CFAP58: variants seen among roughly 807,000 people sequenced by gnomAD.
CFAP58 encodes cilia- and flagella-associated protein 58.
In CFAP58, 88 loss-of-function variants were observed where a neutral mutation model predicts 119.5. The ratio of observed to expected loss-of-function variants is 0.74; its 90% CI spans 0.62 to 0.88. The LOEUF is 0.88. Ranked by LOEUF, CFAP58 falls within the 40% of genes least tolerant of loss-of-function variation. CFAP58 has a pLI of 0.00. For missense variants in CFAP58, 990 were observed against 1,021.2 expected (o/e 0.97, Z 0.42); for synonymous variants, 365 against 366.3 (o/e 1.00, Z 0.04).
the CFAP58 span, among the ~76,000 whole-genome samples, chr10:104,341,006 C>T: frequency 6.6e-6 from 1 of 152,186 alleles, no homozygotes; most frequent in Non-Finnish European, 1.5e-5. Context: ...AACCCCTAGC[C>T]TGCCTATACT....
intron 15 of CFAP58, among the ~76,000 whole-genome samples, chr10:104,440,685 C>T (rs1025899143): frequency 6.6e-6 from 1 of 152,158 alleles, no homozygotes; most frequent in Non-Finnish European, 1.5e-5. Context: ...GAAATTTAAT[C>T]GTCATAGAGA....
At chr10:104,358,027 A>G (rs1040107412) in intron 1 of CFAP58, among the ~76,000 whole-genome samples, 2 of 147,500 alleles carry the variant, frequency 1.4e-5, no homozygotes, top group African/African-American at 2.6e-5. Flanking sequence ...GTACATATAT[A>G]TACATATGTA....
chr10:104,396,620 G>A (rs1284817364), intron 11 of CFAP58, among the ~76,000 whole-genome samples: 2 of 152,150 alleles, frequency 1.3e-5, no homozygotes, highest in Non-Finnish European at 2.9e-5. Flanking sequence ...TATGATTTAT[G>A]CCCATAGCCA....
intron 15 of CFAP58, 34 bp downstream of exon 15, chr10:104,406,827 G>A (rs961466779): frequency 2.7e-6 from 4 of 1,501,228 alleles, no homozygotes; most frequent in Non-Finnish European, 3.7e-6. Flanking sequence ...CATTGTACAA[G>A]TCCTTAGCAC....
At chr10:104,427,281 C>A (rs1321183681) in intron 15 of CFAP58, among the ~76,000 whole-genome samples, 1 of 152,134 alleles carries the variant, frequency 6.6e-6, no homozygotes, top group Non-Finnish European at 1.5e-5. Flanking sequence ...AATTAGAATT[C>A]TCAGTTTATA....
intron 16 of CFAP58, 122 bp from the exon 17 acceptor site, chr10:104,449,949 T>C: frequency 1.1e-6 from 1 of 926,014 alleles, no homozygotes; most frequent in Non-Finnish European, 1.6e-6. Flanking sequence ...TGCAGATTAA[T>C]TGTGAAACTT....
chr10:104,400,589 C>T, intron 12 of CFAP58, 91 bp from the exon 13 acceptor site: 1 of 1,085,984 alleles, frequency 9.2e-7, no homozygotes. Context: ...TGTGGGCGTT[C>T]AATAGATACT....
In CFAP58 at chr10:104,364,713, C is replaced by G; in HGVS notation, c.441-20C>G. On this transcript the variant is annotated intron_variant, in intron 3 of 17. Coordinates refer to ENST00000369704, the MANE Select transcript of CFAP58 (RefSeq NM_001008723.2). ...GAGCAGATGGCCATTTAGTCTGACT[C>G]CTGTGTTCTTCCTTTTTAGCATCCG... 4.3e-6 allele frequency: 7 copies of G among 1,611,802 alleles called. No homozygotes were observed. Among genetic ancestry groups the G allele is most frequent in the Non-Finnish European group, 5.9e-6 (7 of 1,179,024 alleles).
At chr10:104,403,886 T>C (rs765089347) in intron 14 of CFAP58, 46 bp downstream of exon 14, 4 of 1,238,374 alleles carry the variant, frequency 3.2e-6, no homozygotes, top group Non-Finnish European at 3.5e-6. Flanking sequence ...TCTCTCCTCC[T>C]ATCCCACGCG....
At chr10:104,433,074 C>A (rs1212941159) in intron 15 of CFAP58, among the ~76,000 whole-genome samples, 4 of 152,262 alleles carry the variant, frequency 2.6e-5, no homozygotes, top group Admixed American at 6.5e-5. Context: ...TTAAAAAAAC[C>A]TAACTTTAAC....
At chr10:104,386,377 C>CA (rs71482427) in intron 9 of CFAP58, among the ~76,000 whole-genome samples, 3,805 of 133,416 alleles carry the variant, frequency 0.029, 177 homozygotes, top group African/African-American at 0.09. Context: ...ACCACCATCT[C>CA]AAAAAAAAAA....
At chr10:104,384,528 C>A (rs954290201) in intron 9 of CFAP58, among the ~76,000 whole-genome samples, 3 of 152,186 alleles carry the variant, frequency 2.0e-5, no homozygotes, top group Admixed American at 6.5e-5. Flanking sequence ...CTTCTAGAAG[C>A]CCCACGGTAA....
At chr10:104,347,692 T>C in the CFAP58 span, among the ~76,000 whole-genome samples, 1 of 152,024 alleles carries the variant, frequency 6.6e-6, no homozygotes, top group Non-Finnish European at 1.5e-5. Flanking sequence ...AATTTTTTTT[T>C]TATTTCTGAT....
At chr10:104,390,879 T>C (rs2012025511) in intron 9 of CFAP58, among the ~76,000 whole-genome samples, 3 of 152,154 alleles carry the variant, frequency 2.0e-5, no homozygotes, top group South Asian at 4.1e-4. Context: ...ATCAAATCAA[T>C]TGACCCAATA....
chr10:104,445,922 G>A (rs2013107034), intron 15 of CFAP58, among the ~76,000 whole-genome samples: 1 of 152,190 alleles, frequency 6.6e-6, no homozygotes, highest in Non-Finnish European at 1.5e-5. Flanking sequence ...GGTCTTTTCA[G>A]TTTAAGACAT....
intron 15 of CFAP58, among the ~76,000 whole-genome samples, chr10:104,425,004 A>G (rs1447624448): frequency 6.6e-6 from 1 of 152,180 alleles, no homozygotes; most frequent in Non-Finnish European, 1.5e-5. Flanking sequence ...ACCTTGGGCA[A>G]GTAACTAACC....
At chr10:104,368,272 G>T in intron 5 of CFAP58, 151 bp from the exon 6 acceptor site, 1 of 641,166 alleles carries the variant, frequency 1.6e-6, no homozygotes, top group Non-Finnish European at 2.6e-6. Context: ...GTGCGTTAGT[G>T]CTTTCATCGG....
chr10:104,404,355 G>C (rs2012321148), intron 14 of CFAP58, among the ~76,000 whole-genome samples: 1 of 152,152 alleles, frequency 6.6e-6, no homozygotes, highest in Non-Finnish European at 1.5e-5. Context: ...GGTAGGGGAT[G>C]GATAATCAAC....
chr10:104,444,963 C>T (rs554771031), intron 15 of CFAP58, among the ~76,000 whole-genome samples: 1 of 152,274 alleles, frequency 6.6e-6, no homozygotes, highest in African/African-American at 2.4e-5. Flanking sequence ...TACTTGTGGG[C>T]CCTCACAGTT....
Sources: allele counts gnomAD v4.1 joint callset (sites outside exome capture counted in the v4.1 genomes callset), GRCh38; gene constraint gnomAD v4.1.1; transcripts MANE v1.5; gene names NCBI Gene and HGNC (gene_info 2026-07-23, HGNC 2026-07-21).